TTC39C: variants seen among roughly 807,000 people sequenced by gnomAD.
TTC39C encodes tetratricopeptide repeat domain 39C, also known as tetratricopeptide repeat protein 39C.
Under a neutral mutation model 76.3 loss-of-function variants are expected in TTC39C, and 33 were observed. That is an observed-to-expected ratio of 0.43 (90% CI 0.33 to 0.58). The LOEUF is 0.58. Ranked by LOEUF, TTC39C falls within the 20% of genes least tolerant of loss-of-function variation. The pLI, the probability that TTC39C is intolerant of heterozygous loss-of-function variation, is 0.04. For synonymous variants in TTC39C, 254 were observed against 260.6 expected (o/e 0.97, Z 0.24); for missense variants, 595 against 701.4 (o/e 0.85, Z 1.71).
At position 24,134,992 on chromosome 18, in the gene TTC39C, T is replaced by C. The variant is rs1374553707; in HGVS notation, c.*2418T>C. 1 of 151,964 alleles carries C rather than the reference T, an allele frequency of 6.6e-6. No homozygotes were observed. The highest frequency in any genetic ancestry group is 1.5e-5 in the Non-Finnish European group (1 of 67,988). The allele number at this position is 151,964 out of a possible 1,614,324, so 9.4% of individuals were successfully genotyped here. The stretch of plus-strand genomic sequence containing the variant: ...AGTCAAAGTGTAGGTCTTTTTAAAA[T>C]TTTTAATCTTTATTTTTATTTTTAT... On this transcript the variant is annotated 3_prime_UTR_variant, in exon 14 of 14. Coordinates refer to ENST00000317571, the MANE Select transcript of TTC39C (RefSeq NM_001135993.2).
intron 6 of TTC39C, chr18:24,114,033 T>A (rs1268924126): frequency 3.0e-5 from 9 of 303,438 alleles, no homozygotes; most frequent in Non-Finnish European, 5.0e-5. Flanking sequence ...ACTGGGCTAA[T>A]GGAGCGGCTT....
At chr18:24,124,326 T>C (rs2085018631) in intron 9 of TTC39C, 1 of 155,396 alleles carries the variant, frequency 6.4e-6, no homozygotes, top group Admixed American at 6.5e-5. Flanking sequence ...CTATACGTTC[T>C]GCAGAGCTAA....
At chr18:24,062,005 A>T (rs1346788982) in intron 1 of TTC39C, among the ~76,000 whole-genome samples, 1 of 152,222 alleles carries the variant, frequency 6.6e-6, no homozygotes, top group Non-Finnish European at 1.5e-5. Context: ...CCTGCAGTGC[A>T]TTGTCACGTG....
At chr18:24,008,200 A>T (rs2083368633) in intron 1 of TTC39C, among the ~76,000 whole-genome samples, 1 of 152,242 alleles carries the variant, frequency 6.6e-6, no homozygotes, top group African/African-American at 2.4e-5. Flanking sequence ...CAAACAGGTC[A>T]TGAACACCTA....
chr18:24,103,951 A>T (rs1180900693), intron 6 of TTC39C, among the ~76,000 whole-genome samples: 9 of 146,544 alleles, frequency 6.1e-5, no homozygotes, highest in Non-Finnish European at 1.2e-4. Context: ...TTTTTGTTTG[A>T]GACGGAGTCT....
At chr18:24,092,564 G>T (rs886096119) in intron 6 of TTC39C, among the ~76,000 whole-genome samples, 1 of 152,188 alleles carries the variant, frequency 6.6e-6, no homozygotes, top group Non-Finnish European at 1.5e-5. Context: ...AAGGAATGAA[G>T]TACAGATACA....
intron 6 of TTC39C, among the ~76,000 whole-genome samples, chr18:24,088,108 T>G (rs1268257367): frequency 6.6e-6 from 1 of 152,240 alleles, no homozygotes; most frequent in Admixed American, 6.5e-5. Flanking sequence ...TGTAAAAATG[T>G]CTTGATAATT....
intron 6 of TTC39C, among the ~76,000 whole-genome samples, chr18:24,097,277 TTGCTCTTGC>T (rs2084601821): frequency 6.6e-6 from 1 of 152,246 alleles, no homozygotes; most frequent in East Asian, 1.9e-4. Flanking sequence ...GCCATCACCT[TTGCTCTTGC>T]TGTCTTTGCT....
chr18:24,052,866 A>G (rs2083970164), intron 1 of TTC39C, among the ~76,000 whole-genome samples: 1 of 152,208 alleles, frequency 6.6e-6, no homozygotes, highest in Admixed American at 6.5e-5. Flanking sequence ...GGGTGACTGT[A>G]CCTGTCTCTC....
At chr18:24,118,335 C>T (rs1293117229) in intron 8 of TTC39C, 103 bp downstream of exon 8, 7 of 787,798 alleles carry the variant, frequency 8.9e-6, no homozygotes, top group African/African-American at 1.7e-5. Flanking sequence ...AAAAGTTGTA[C>T]CCCTCCACAG....
chr18:24,063,330 T>C (rs1447455465), intron 1 of TTC39C, among the ~76,000 whole-genome samples: 1 of 152,228 alleles, frequency 6.6e-6, no homozygotes, highest in Non-Finnish European at 1.5e-5. Context: ...GTGTGTGAAG[T>C]CTGACTCAGT....
chr18:24,113,682 A>T (rs2145808052), intron 6 of TTC39C: 1 of 702,342 alleles, frequency 1.4e-6, no homozygotes, highest in Non-Finnish European at 2.6e-6. Flanking sequence ...GACATTTAGC[A>T]TTTCTCAATG....
chr18:24,056,578 G>GAAATA (rs56180530), intron 1 of TTC39C, among the ~76,000 whole-genome samples: 136,845 of 151,926 alleles, frequency 0.9, 63,265 homozygotes, highest in Non-Finnish European at 1. Context: ...TGTGTTTCAG[G>GAAATA]AAATCATCAT....
chr18:24,013,995 T>C (rs2083413196), upstream of TTC39C, among the ~76,000 whole-genome samples: 1 of 152,234 alleles, frequency 6.6e-6, no homozygotes, highest in African/African-American at 2.4e-5. Context: ...TAGGCCTCCA[T>C]TTCTCCTCCT....
intron 1 of TTC39C, among the ~76,000 whole-genome samples, chr18:24,060,151 G>C (rs1008163732): frequency 1.3e-5 from 2 of 152,118 alleles, no homozygotes; most frequent in Non-Finnish European, 2.9e-5. Flanking sequence ...TTGCCACACT[G>C]TCTTCCACAA....
chr18:24,129,639 T>G (rs2085096832), intron 11 of TTC39C, among the ~76,000 whole-genome samples: 1 of 151,884 alleles, frequency 6.6e-6, no homozygotes, highest in Non-Finnish European at 1.5e-5. Context: ...CCAGGTGTGG[T>G]GGCATGCACC....
intron 1 of TTC39C, among the ~76,000 whole-genome samples, chr18:24,017,389 CAGTA>C (rs1419826489): frequency 6.6e-6 from 1 of 152,282 alleles, no homozygotes; most frequent in East Asian, 1.9e-4. Context: ...ATAGGAGTAA[CAGTA>C]AGAGTACCCA....
At chr18:24,027,281 A>T (rs2083610366) in intron 1 of TTC39C, among the ~76,000 whole-genome samples, 1 of 152,090 alleles carries the variant, frequency 6.6e-6, no homozygotes, top group Non-Finnish European at 1.5e-5. Flanking sequence ...CAAAAGAAAA[A>T]AAAAAAGTAA....
chr18:24,060,161 A>G (rs1411697652), intron 1 of TTC39C, among the ~76,000 whole-genome samples: 1 of 152,122 alleles, frequency 6.6e-6, no homozygotes, highest in African/African-American at 2.4e-5. Context: ...GTCTTCCACA[A>G]TGGTTGAACT....
Sources: gnomAD v4.1 joint callset for allele counts (sites outside exome capture counted in the v4.1 genomes callset) on GRCh38, gnomAD v4.1.1 for gene constraint, MANE v1.5 for transcripts, NCBI Gene and HGNC (gene_info 2026-07-23, HGNC 2026-07-21) for gene names.